Variants in SPATA13 observed in about 807,000 individuals in gnomAD.
The protein encoded by SPATA13 is spermatogenesis-associated protein 13.
A neutral mutation model predicts 104.0 loss-of-function variants in SPATA13; 50 were observed. The ratio of observed to expected loss-of-function variants is 0.48; its 90% CI spans 0.38 to 0.61. The LOEUF is 0.61. Among genes scored for constraint, SPATA13 ranks in the 20% least tolerant of loss-of-function variants. The probability of loss-of-function intolerance (pLI) is 0.00; values close to 1 mark genes in which losing one functional copy is unlikely to be tolerated. For missense variants in SPATA13, 1,524 were observed against 1,690.6 expected, an observed-to-expected ratio of 0.90 and a Z score of 1.73; for synonymous variants, 606 against 667.5, an observed-to-expected ratio of 0.91 and a Z score of 1.42.
intron 3 of SPATA13, among the ~76,000 whole-genome samples, chr13:24,040,608 A>C (rs1271022478): frequency 6.6e-6 from 1 of 152,146 alleles, no homozygotes; most frequent in South Asian, 2.1e-4. Context: ...GGTCCAGGAC[A>C]CAAAGCCTGC....
At chr13:23,995,495 G>A (rs114420335) in intron 2 of SPATA13, among the ~76,000 whole-genome samples, 1,994 of 152,346 alleles carry the variant, frequency 0.013, 43 homozygotes, top group African/African-American at 0.044. Context: ...CAGAGGTCAG[G>A]TCTGGCAGGG....
intron 3 of SPATA13, among the ~76,000 whole-genome samples, chr13:24,135,350 T>C (rs1881525865): frequency 6.6e-6 from 1 of 152,182 alleles, no homozygotes; most frequent in African/African-American, 2.4e-5. Flanking sequence ...TAAAATCATA[T>C]TTGTTCACAG....
At chr13:24,057,745 G>A (rs917322638) in intron 3 of SPATA13, among the ~76,000 whole-genome samples, 1 of 151,736 alleles carries the variant, frequency 6.6e-6, no homozygotes, top group Non-Finnish European at 1.5e-5. Flanking sequence ...TGGTCTCTGA[G>A]CACCTTGACC....
At chr13:24,182,823 G>T (rs1868896414) in intron 1 of SPATA13, among the ~76,000 whole-genome samples, 1 of 152,144 alleles carries the variant, frequency 6.6e-6, no homozygotes, top group African/African-American at 2.4e-5. Context: ...TTTTATCAGT[G>T]TTAGAAAAAC....
chr13:24,131,894 C>A (rs1177277531), intron 3 of SPATA13, among the ~76,000 whole-genome samples: 1 of 151,852 alleles, frequency 6.6e-6, no homozygotes, highest in East Asian at 2.0e-4. Flanking sequence ...GCAGACACAG[C>A]CAACCATATT....
intron 1 of SPATA13, among the ~76,000 whole-genome samples, chr13:24,199,429 C>T (rs1870278642): frequency 1.3e-5 from 2 of 152,228 alleles, no homozygotes; most frequent in African/African-American, 4.8e-5. Context: ...TCTGAATAAA[C>T]TTCTGATCCT....
At position 24,133,706 on chromosome 13, in the gene SPATA13, G is replaced by A. The variant is rs187063403; in HGVS notation, c.-111-89113G>A. Among the ~76,000 whole-genome samples, 41 of 152,322 alleles carry A rather than the reference G, an allele frequency of 2.7e-4. No homozygotes were observed. The East Asian group carries it at 6.7e-3, about 25-fold the overall frequency. ...CCAGCAGAGATATTAGCAGACAGCT[G>A]TGGGGGAAGCTGGCCATACCTACAG... On this transcript the variant is annotated intron_variant, in intron 3 of 14. Coordinates refer to the SPATA13 transcript ENST00000424834.
At position 24,189,836 on chromosome 13, in the gene SPATA13, T is replaced by TA. The variant is rs1385478234; in HGVS notation, c.-112+28905dup. Among the ~76,000 whole-genome samples the TA allele has an allele frequency of 9.7e-4, 25 of 25,670 alleles. 3 individuals carry two copies. The highest frequency in any genetic ancestry group is 1.7e-3 in the South Asian group (1 of 576). The allele number at this position is 25,670 out of a possible 152,430, so 16.8% of individuals were successfully genotyped here. On this transcript the variant is annotated intron_variant, in intron 1 of 12. Coordinates refer to ENST00000382108, the MANE Select transcript of SPATA13 (RefSeq NM_001166271.3). ...TATATTATAAATATATATAAAATGA[T>TA]ATTTAATATATTATATTAATATATC...
At chr13:24,230,878 G>A (rs541226425) in intron 2 of SPATA13, among the ~76,000 whole-genome samples, 1 of 152,276 alleles carries the variant, frequency 6.6e-6, no homozygotes, top group South Asian at 2.1e-4. Flanking sequence ...GAAAGTCAGT[G>A]ACATTGTCAG....
chr13:24,217,496 T>G (rs991025072), intron 1 of SPATA13, among the ~76,000 whole-genome samples: 6 of 152,076 alleles, frequency 3.9e-5, no homozygotes, highest in African/African-American at 1.4e-4. Context: ...GAGAACACAG[T>G]GAAATAAGAC....
At chr13:24,228,497 GA>G in intron 2 of SPATA13, among the ~76,000 whole-genome samples, 1 of 152,232 alleles carries the variant, frequency 6.6e-6, no homozygotes, top group East Asian at 1.9e-4. Context: ...TATACACTGG[GA>G]ATGTTCGGTG....
chr13:24,155,168 T>C (rs1882222934), intron 3 of SPATA13, among the ~76,000 whole-genome samples: 1 of 152,154 alleles, frequency 6.6e-6, no homozygotes, highest in Admixed American at 6.5e-5. Flanking sequence ...ATTTCTATAT[T>C]ACAGATGAAG....
Position 24,290,864 on chromosome 13 carries a change from G to C in SPATA13, c.3060G>C (p.Lys1020Asn). The C allele has an allele frequency of 6.2e-7, 1 of 1,614,118 alleles. No homozygotes were observed. The highest frequency in any genetic ancestry group is 8.5e-7 in the Non-Finnish European group (1 of 1,180,004). Reference sequence around the variant, plus strand: ...CGCTGCAGCTGGCCGAGCTGCTCAAGTATACCACACAGGAACACGGGTGAG... The same window carrying C: ...CGCTGCAGCTGGCCGAGCTGCTCAACTATACCACACAGGAACACGGGTGAG... ...KYPLQLAELL[K>N]YTTQEHGDYS... The change falls in exon 9 of 13, where the codon AAG (lysine) becomes AAC (asparagine). Residue 1020 changes from lysine (K) to asparagine (N), a missense_variant. By Grantham distance (94) the Lys-to-Asn change is moderately conservative. Coordinates refer to ENST00000382108, the MANE Select transcript of SPATA13 (RefSeq NM_001166271.3).
At chr13:24,288,907 C>G (rs577404759) in intron 7 of SPATA13, 92 bp from the exon 8 acceptor site, 1 of 1,136,858 alleles carries the variant, frequency 8.8e-7, no homozygotes, top group African/African-American at 1.6e-5. Context: ...AAAATTCATT[C>G]CAAGTTCATG....
intron 2 of SPATA13, among the ~76,000 whole-genome samples, chr13:24,226,280 T>C (rs1312088907): frequency 2.0e-5 from 3 of 152,184 alleles, no homozygotes; most frequent in African/African-American, 7.2e-5. Flanking sequence ...CCCACCTAGG[T>C]ACCTGTCCAC....
In SPATA13 at chr13:24,223,158, T is replaced by A; in HGVS notation, c.229T>A (p.Ser77Thr). 3 of 1,551,702 alleles carry A rather than the reference T, an allele frequency of 1.9e-6. No homozygotes were observed. Among genetic ancestry groups the A allele is most frequent in the Non-Finnish European group, 2.6e-6 (3 of 1,147,010 alleles). The part of the protein sequence containing the change: ...LSPAKLVRLF[S>T]TSRKRTGAHP... ...CCCAGCCAAGCTTGTGCGCCTCTTT[T>A]CCACCAGTCGGAAGAGGACGGGTGC... Residue 77 changes from serine to threonine, a missense_variant, in exon 2 of 13, where the codon TCC becomes ACC. Ser to Thr is a moderately conservative substitution (Grantham distance 58). Transcript: ENST00000382108.
At chr13:24,122,491 CCATCTTCATCAATAT>C in intron 3 of SPATA13, 2 of 1,607,934 alleles carry the variant, frequency 1.2e-6, no homozygotes, top group South Asian at 1.1e-5. Flanking sequence ...ATATTCTTGC[CCATCTTCATCAATAT>C]CATCTTCATC....
At chr13:24,187,895 C>T (rs1286337746) in intron 1 of SPATA13, among the ~76,000 whole-genome samples, 3 of 152,134 alleles carry the variant, frequency 2.0e-5, no homozygotes, top group Non-Finnish European at 2.9e-5. Flanking sequence ...AAGGAAGAGT[C>T]GCCCATCTCT....
At chr13:24,086,155 A>G (rs1013988366) in intron 3 of SPATA13, among the ~76,000 whole-genome samples, 2 of 152,222 alleles carry the variant, frequency 1.3e-5, no homozygotes, top group African/African-American at 2.4e-5. Flanking sequence ...TGAAGGCAAG[A>G]CATAGCACCA....
Sources: allele counts gnomAD v4.1 joint callset (sites outside exome capture counted in the v4.1 genomes callset), GRCh38; gene constraint gnomAD v4.1.1; transcripts MANE v1.5; gene names NCBI Gene and HGNC (gene_info 2026-07-23, HGNC 2026-07-21).